The following TBC1D16 variants were observed in gnomAD, a reference collection of about 807,000 sequenced individuals.
The protein encoded by TBC1D16 is CTD-2529O21.1.
In TBC1D16, 58 loss-of-function variants were observed where a neutral mutation model predicts 74.7. That is an observed-to-expected ratio of 0.78 (90% CI 0.63 to 0.97). The LOEUF (loss-of-function observed/expected upper bound fraction) is 0.97, where lower values mean the gene tolerates loss of function less well. Ranked by LOEUF, TBC1D16 falls within the 50% of genes least tolerant of loss-of-function variation. The pLI is 0.00. For missense variants in TBC1D16, 1,014 were observed against 1,079.5 expected (o/e 0.94, Z 0.85); for synonymous variants, 493 against 474.7 (o/e 1.04, Z -0.50).
At chr17:79,989,571 T>C (rs7223264) in intron 3 of TBC1D16, among the ~76,000 whole-genome samples, 128,656 of 152,300 alleles carry the variant, frequency 0.84, 54,730 homozygotes, top group African/African-American at 0.96. Context: ...CATGGCAAAC[T>C]GGCCTTGTGG....
At position 80,023,654 on chromosome 17, in the gene TBC1D16, CG is replaced by C. The variant is rs1165954052; in HGVS notation, c.-62-10046del. On this transcript the variant is annotated intron_variant, in intron 1 of 11. Transcript: ENST00000310924. Reference sequence around the variant, plus strand: ...GCAGGCCAGGAGCGAGAACTGCTGCCGGGCCCCCCCCCACCGGCTCAGGGCG... The same window carrying C: ...GCAGGCCAGGAGCGAGAACTGCTGCCGGCCCCCCCCCACCGGCTCAGGGCG... 1.7e-3 allele frequency among the ~76,000 whole-genome samples: 225 copies of C among 133,572 alleles called. 5 individuals carry two copies. The highest frequency in any genetic ancestry group is 3.8e-3 in the Middle Eastern group (1 of 262). The allele number at this position is 133,572 out of a possible 152,430, so 87.6% of individuals were successfully genotyped here.
rs1247011602 is a variant in TBC1D16, at chr17:80,000,445, C to G, written c.779+9715G>C. On this transcript the variant is annotated intron_variant, in intron 3 of 11. Coordinates refer to ENST00000310924, the MANE Select transcript of TBC1D16 (RefSeq NM_019020.4). The surrounding 1 kb of genome is among the most constrained non-coding windows in gnomAD (Gnocchi z 4.1). Reference sequence around the variant, plus strand: ...GATGTGGCCACAAGCCAAGGAATGCCTGCAGCCACTCAAACCGGAAGAGAC... The same window carrying G: ...GATGTGGCCACAAGCCAAGGAATGCGTGCAGCCACTCAAACCGGAAGAGAC... Among the ~76,000 whole-genome samples the G allele has an allele frequency of 1.3e-5, 2 of 152,324 alleles. No individual in the cohort carries two copies. Among genetic ancestry groups the G allele is most frequent in the Non-Finnish European group, 2.9e-5 (2 of 68,024 alleles).
chr17:79,998,125 C>CAAAAAAAAAAAAAAAAA (rs901486919), intron 3 of TBC1D16, among the ~76,000 whole-genome samples: 1 of 51,980 alleles, frequency 1.9e-5, no homozygotes, highest in Admixed American at 1.9e-4. Flanking sequence ...AACTCTGTCT[C>CAAAAAAAAAAAAAAAAA]AAAAAAAAAA....
At chr17:79,942,277 A>G in intron 10 of TBC1D16, 71 bp from the exon 11 acceptor site, 2 of 1,492,296 alleles carry the variant, frequency 1.3e-6, no homozygotes, top group Non-Finnish European at 1.8e-6. Context: ...GGGGAAACTG[A>G]GTGCCAGGGT....
chr17:79,948,632 C>A (rs776952152), intron 8 of TBC1D16, among the ~76,000 whole-genome samples: 32 of 152,064 alleles, frequency 2.1e-4, no homozygotes, highest in Non-Finnish European at 4.4e-4. Context: ...CTTGGTGGTG[C>A]CCAGGGGATA....
In TBC1D16 at chr17:80,027,891, C is replaced by CAA. The variant is rs71163908; in HGVS notation, c.-63+7902_-63+7903dup. Among the ~76,000 whole-genome samples the CAA allele has an allele frequency of 2.4e-3, 163 of 66,666 alleles. 1 individual carries two copies. The highest frequency in any genetic ancestry group is 5.6e-3 in the East Asian group (15 of 2,672). The allele number at this position is 66,666 out of a possible 152,430, so 43.7% of individuals were successfully genotyped here. On this transcript the variant is annotated intron_variant, in intron 1 of 11. Transcript: ENST00000310924. ...TGGGCAACACGGCAAGACTCCAACT[C>CAA]AAAAAAAAAAAAAAAAAAAAAAGAG...
intron 2 of TBC1D16, among the ~76,000 whole-genome samples, chr17:80,011,161 C>A (rs1480645242): frequency 6.6e-6 from 1 of 151,966 alleles, no homozygotes; most frequent in Non-Finnish European, 1.5e-5. Context: ...CCCACCTCAG[C>A]TCCCGAGTAG....
rs989761796 is a variant in TBC1D16 at position 79,983,336 on chromosome 17, C to T, written c.779+26824G>A. Among the ~76,000 whole-genome samples the T allele has an allele frequency of 5.9e-5, 9 of 152,228 alleles. No individual in the cohort carries two copies. The highest frequency in any genetic ancestry group is 1.9e-4 in the African/African-American group (8 of 41,456). On this transcript the variant is annotated intron_variant, in intron 3 of 11. Coordinates refer to ENST00000310924, the MANE Select transcript of TBC1D16 (RefSeq NM_019020.4). The surrounding 1 kb of genome is among the most constrained non-coding windows in gnomAD (Gnocchi z 5.6). ...GGTGTGTCTTAGGAGGTTGAGTGCACATTGCAGGGCCCAGGGGCCCCTCGG... is the reference window on the plus strand; with the variant it reads ...GGTGTGTCTTAGGAGGTTGAGTGCATATTGCAGGGCCCAGGGGCCCCTCGG...
chr17:79,966,748 G>A (rs993065654), intron 3 of TBC1D16, among the ~76,000 whole-genome samples: 4 of 151,992 alleles, frequency 2.6e-5, no homozygotes, highest in African/African-American at 9.7e-5. Flanking sequence ...AAAACCAGAC[G>A]AAGACATTAC....
At chr17:80,011,284 C>A (rs1226279348) in intron 2 of TBC1D16, among the ~76,000 whole-genome samples, 1 of 150,898 alleles carries the variant, frequency 6.6e-6, no homozygotes, top group Admixed American at 6.6e-5. Context: ...TGAGCTCAAG[C>A]GAACCGCCCA....
chr17:79,978,744 T>TA lies in TBC1D16; in HGVS notation c.780-25927_780-25926insT, dbSNP rs1406456090. Among the ~76,000 whole-genome samples, 4 of 152,366 alleles carry TA rather than the reference T, an allele frequency of 2.6e-5. No individual in the cohort carries two copies. The South Asian group carries it at 6.2e-4, about 24-fold the overall frequency. ...CATTCAGCGTGATTACACGGTGTTA[T>TA]TCATTAAGGGCTGGAGACTCTGATG... On this transcript the variant is annotated intron_variant, in intron 3 of 11. Coordinates refer to ENST00000310924, the MANE Select transcript of TBC1D16 (RefSeq NM_019020.4).
In TBC1D16 at chr17:79,993,852, T is replaced by C. The variant is rs2035168024; in HGVS notation, c.779+16308A>G. ...GGCAGCTCTGTGTATTCAGAGCAGC[T>C]CAGCCCCTCGAGAGCACCAGGAGCC... On this transcript the variant is annotated intron_variant, in intron 3 of 11. Coordinates refer to ENST00000310924, the MANE Select transcript of TBC1D16 (RefSeq NM_019020.4). The surrounding 1 kb of genome is among the most constrained non-coding windows in gnomAD (Gnocchi z 5.1). Among the ~76,000 whole-genome samples the C allele has an allele frequency of 6.6e-6, 1 of 151,760 alleles. No homozygotes were observed. The highest frequency in any genetic ancestry group is 2.4e-5 in the African/African-American group (1 of 41,316).
chr17:80,001,041 C>T lies in TBC1D16; in HGVS notation c.779+9119G>A, dbSNP rs1392622571. On this transcript the variant is annotated intron_variant, in intron 3 of 11. Coordinates refer to ENST00000310924, the MANE Select transcript of TBC1D16 (RefSeq NM_019020.4). This position sits in a 1 kb window ranked among gnomAD's most constrained non-coding sequence, Gnocchi z 5.8. Reference sequence around the variant, plus strand: ...AGCTGAGGGGCAGCCAGGGAGGGGACCAGTGCTCGGCTGGGCGCCTGCTTG... The same window carrying T: ...AGCTGAGGGGCAGCCAGGGAGGGGATCAGTGCTCGGCTGGGCGCCTGCTTG... Among the ~76,000 whole-genome samples, 4 of 152,228 alleles carry T rather than the reference C, an allele frequency of 2.6e-5. No individual in the cohort carries two copies. The highest frequency in any genetic ancestry group is 2.6e-4 in the Admixed American group (4 of 15,278).
Position 79,959,060 on chromosome 17 carries a change from A to G in TBC1D16, c.780-6242T>C, listed in dbSNP as rs532786335. Among the ~76,000 whole-genome samples the G allele has an allele frequency of 2.0e-5, 3 of 152,402 alleles. No individual in the cohort carries two copies. In the South Asian group the frequency reaches 6.2e-4, roughly 32 times the overall value. On this transcript the variant is annotated intron_variant, in intron 3 of 11. Coordinates refer to ENST00000310924, the MANE Select transcript of TBC1D16 (RefSeq NM_019020.4). ...GGATTTCATAAAACTGCAGGATAAA[A>G]GGTTAATAGAGAAAAATTAATTGTA...
chr17:79,975,702 C>G lies in TBC1D16; in HGVS notation c.780-22884G>C, dbSNP rs1271546489. Among the ~76,000 whole-genome samples, 1 of 152,162 alleles carries G rather than the reference C, an allele frequency of 6.6e-6. No individual in the cohort carries two copies. Among genetic ancestry groups the G allele is most frequent in the African/African-American group, 2.4e-5 (1 of 41,428 alleles). ...GTTTGCAACCAACTGTGCACAGCTT[C>G]GGGACCCCCAGCCAGCCCAAACCTG... On this transcript the variant is annotated intron_variant, in intron 3 of 11. Coordinates refer to ENST00000310924, the MANE Select transcript of TBC1D16 (RefSeq NM_019020.4). This position sits in a 1 kb window ranked among gnomAD's most constrained non-coding sequence, Gnocchi z 4.5.
At chr17:80,031,625 A>C (rs1471496200) in intron 1 of TBC1D16, among the ~76,000 whole-genome samples, 3 of 152,122 alleles carry the variant, frequency 2.0e-5, no homozygotes, top group Non-Finnish European at 4.4e-5. Context: ...TCTGCCTCCA[A>C]GGAGAGACCA....
chr17:79,973,568 G>T (rs1326308121), intron 3 of TBC1D16, among the ~76,000 whole-genome samples: 1 of 152,162 alleles, frequency 6.6e-6, no homozygotes, highest in Non-Finnish European at 1.5e-5. Flanking sequence ...AAAATAGCCA[G>T]GTGTGGCGGC....
intron 3 of TBC1D16, among the ~76,000 whole-genome samples, chr17:79,973,512 A>G (rs770748969): frequency 5.3e-5 from 8 of 152,230 alleles, no homozygotes; most frequent in Non-Finnish European, 1.2e-4. Context: ...GATCAAGACC[A>G]TCCTGTCTAA....
rs900537349 is a variant in TBC1D16 at position 79,985,403 on chromosome 17, G to C, written c.779+24757C>G. 1.2e-4 allele frequency among the ~76,000 whole-genome samples: 19 copies of C among 152,216 alleles called. No individual in the cohort carries two copies. The highest frequency in any genetic ancestry group is 1.8e-4 in the Non-Finnish European group (12 of 68,044). On this transcript the variant is annotated intron_variant, in intron 3 of 11. Transcript: ENST00000310924. This position sits in a 1 kb window ranked among gnomAD's most constrained non-coding sequence, Gnocchi z 4.9. ...TTGCGGGGAAGGGAGTCACTATCCA[G>C]GCCACGGCAGACACAGTTCCCCGAA...
Sources: allele counts gnomAD v4.1 joint callset (sites outside exome capture counted in the v4.1 genomes callset), GRCh38; gene constraint gnomAD v4.1.1; non-coding constraint Gnocchi (gnomAD v3.1); transcripts MANE v1.5; gene names NCBI Gene and HGNC (gene_info 2026-07-23, HGNC 2026-07-21).